SLCO6A1: variants seen among roughly 807,000 people sequenced by gnomAD.
SLCO6A1 encodes cancer/testis antigen 48.
Under a neutral mutation model 72.7 loss-of-function variants are expected in SLCO6A1, and 65 were observed. That is an observed-to-expected ratio of 0.89 (90% CI 0.73 to 1.10). SLCO6A1 has a LOEUF of 1.10. SLCO6A1 is among the 50% of genes least tolerant of loss of function. The pLI is 0.00. For missense variants in SLCO6A1, 874 were observed against 872.6 expected, an observed-to-expected ratio of 1.00 and a Z score of -0.02; for synonymous variants, 314 against 298.2, an observed-to-expected ratio of 1.05 and a Z score of -0.55.
intron 9 of SLCO6A1, among the ~76,000 whole-genome samples, chr5:102,400,211 C>A (rs1747323354): frequency 6.6e-6 from 1 of 151,796 alleles, no homozygotes; most frequent in African/African-American, 2.4e-5. Context: ...CCATTTGGGA[C>A]AACAGACACA....
At chr5:102,383,094 G>GTGTGTGTGTGT in intron 12 of SLCO6A1, among the ~76,000 whole-genome samples, 3,559 of 140,766 alleles carry the variant, frequency 0.025, 164 homozygotes, top group African/African-American at 0.073. Flanking sequence ...ATATGTGTGT[G>GTGTGTGTGTGT]AATATATATA....
rs527551675 is a variant in SLCO6A1, at chr5:102,480,408, T to A, written c.385A>T (p.Ser129Cys). 32 of 1,613,406 alleles carry A rather than the reference T, an allele frequency of 2.0e-5. No individual in the cohort carries two copies. In the South Asian group the frequency reaches 3.4e-4, roughly 17 times the overall value. Residue 129 changes from serine (S) to cysteine (C), a missense_variant, in exon 2 of 14, where the codon AGC (serine) becomes TGC (cysteine). Coordinates refer to ENST00000506729, the MANE Select transcript of SLCO6A1 (RefSeq NM_173488.5). ...TATTCCTTCTGAAAATCGCCAATGC[T>A]GACATCTATAAGACCAAACACCACA... ...QGVVFGLIDVSIGDFQKEYQL... is the reference protein window; with the variant it reads ...QGVVFGLIDVCIGDFQKEYQL...
At chr5:102,423,477 T>C (rs564989441) in intron 7 of SLCO6A1, among the ~76,000 whole-genome samples, 38 of 152,266 alleles carry the variant, frequency 2.5e-4, no homozygotes, top group Non-Finnish European at 2.8e-4. Flanking sequence ...GTTGCAGTCC[T>C]AGTCTCTGAT....
chr5:102,472,386 G>A (rs1022945855), intron 4 of SLCO6A1, among the ~76,000 whole-genome samples: 15 of 151,980 alleles, frequency 9.9e-5, no homozygotes, highest in African/African-American at 3.4e-4. Context: ...ACTATTCTTC[G>A]TTATCTCAGT....
chr5:102,414,278 G>T (rs1580381233), intron 8 of SLCO6A1, among the ~76,000 whole-genome samples: 1 of 151,930 alleles, frequency 6.6e-6, no homozygotes, highest in East Asian at 1.9e-4. Context: ...TCATTCATTT[G>T]CATATAGATA....
Position 102,498,644 on chromosome 5 carries a change from C to T in SLCO6A1, c.201G>A (p.Arg67=), listed in dbSNP as rs267600308. The part of the protein sequence containing the change: ...ALIRFGGFRK[R]KKAKSSVSKK... ...TGGAAACTGAGGACTTGGCTTTTTT[C>T]CTTTTTCGGAAACCGCCGAACCTTA... Residue 67 remains arginine, a synonymous_variant, in exon 1 of 14, where the codon AGG becomes AGA. Transcript: ENST00000506729. 1 of 1,614,198 alleles carries T rather than the reference C, an allele frequency of 6.2e-7. No homozygotes were observed. The highest frequency in any genetic ancestry group is 8.5e-7 in the Non-Finnish European group (1 of 1,180,026).
intron 9 of SLCO6A1, among the ~76,000 whole-genome samples, chr5:102,400,719 T>C (rs1747351127): frequency 6.6e-6 from 1 of 152,132 alleles, no homozygotes; most frequent in Non-Finnish European, 1.5e-5. Flanking sequence ...AAATTAAACA[T>C]AACTTGAATC....
At chr5:102,420,572 AAG>A (rs1486789925) in intron 7 of SLCO6A1, among the ~76,000 whole-genome samples, 1 of 151,610 alleles carries the variant, frequency 6.6e-6, no homozygotes, top group Non-Finnish European at 1.5e-5. Context: ...AAGCAAAAGA[AAG>A]AGAAAAAGGA....
chr5:102,423,371 G>A (rs1748712469), intron 7 of SLCO6A1, among the ~76,000 whole-genome samples: 1 of 152,058 alleles, frequency 6.6e-6, no homozygotes, highest in African/African-American at 2.4e-5. Flanking sequence ...GCTGTATTCA[G>A]GAGACCCATC....
chr5:102,481,244 C>A (rs890041743), intron 1 of SLCO6A1, among the ~76,000 whole-genome samples: 1 of 150,938 alleles, frequency 6.6e-6, no homozygotes, highest in Admixed American at 6.6e-5. Flanking sequence ...TTTTTTTTGG[C>A]AGGAAGCCAG....
intron 6 of SLCO6A1, among the ~76,000 whole-genome samples, chr5:102,446,544 A>G (rs1213498389): frequency 6.6e-6 from 1 of 152,034 alleles, no homozygotes; most frequent in African/African-American, 2.4e-5. Flanking sequence ...CTCTCTTCCT[A>G]TTTGGATGTG....
intron 6 of SLCO6A1, among the ~76,000 whole-genome samples, chr5:102,456,652 A>G (rs913062631): frequency 3.3e-5 from 5 of 152,226 alleles, no homozygotes; most frequent in Non-Finnish European, 5.9e-5. Flanking sequence ...AGGAAGAATC[A>G]ATATCGTGAA....
chr5:102,398,424 C>T (rs537039958), intron 10 of SLCO6A1, among the ~76,000 whole-genome samples: 4 of 152,198 alleles, frequency 2.6e-5, no homozygotes, highest in South Asian at 2.1e-4. Flanking sequence ...GTGATCCATC[C>T]GCAACGGCCT....
chr5:102,393,368 C>G (rs536054133), intron 10 of SLCO6A1, among the ~76,000 whole-genome samples: 1 of 152,252 alleles, frequency 6.6e-6, no homozygotes, highest in African/African-American at 2.4e-5. Context: ...TTGCCCCCAT[C>G]ACCCTCCATG....
chr5:102,489,952 A>G (rs1195231934), intron 1 of SLCO6A1, among the ~76,000 whole-genome samples: 1 of 152,254 alleles, frequency 6.6e-6, no homozygotes, highest in Admixed American at 6.5e-5. Context: ...TACAGCATGG[A>G]TAAAGAACAT....
At chr5:102,486,705 T>C (rs1752455824) in intron 1 of SLCO6A1, among the ~76,000 whole-genome samples, 1 of 152,154 alleles carries the variant, frequency 6.6e-6, no homozygotes, top group Admixed American at 6.5e-5. Flanking sequence ...TAGGAATTGT[T>C]TGTGTACCAA....
intron 6 of SLCO6A1, among the ~76,000 whole-genome samples, chr5:102,449,812 T>C (rs1750317729): frequency 6.6e-6 from 1 of 152,222 alleles, no homozygotes; most frequent in Non-Finnish European, 1.5e-5. Context: ...CTTGGTCTAT[T>C]AACATAATCT....
At chr5:102,460,310 T>C (rs1433372537) in intron 4 of SLCO6A1, among the ~76,000 whole-genome samples, 1 of 152,136 alleles carries the variant, frequency 6.6e-6, no homozygotes, top group Non-Finnish European at 1.5e-5. Context: ...CTTCTAGTTA[T>C]TATTCCAAAT....
intron 6 of SLCO6A1, among the ~76,000 whole-genome samples, chr5:102,457,462 A>G (rs1239408912): frequency 1.3e-5 from 2 of 152,138 alleles, no homozygotes; most frequent in South Asian, 2.1e-4. Flanking sequence ...GACACTTCTC[A>G]AAAAAAGATA....
Sources: gnomAD v4.1 joint callset for allele counts (sites outside exome capture counted in the v4.1 genomes callset) on GRCh38, gnomAD v4.1.1 for gene constraint, MANE v1.5 for transcripts, NCBI Gene and HGNC (gene_info 2026-07-23, HGNC 2026-07-21) for gene names.